The following ERBB4 variants were observed in gnomAD, a reference collection of about 807,000 sequenced individuals.
ERBB4 encodes the protein receptor tyrosine-protein kinase erbB-4.
In ERBB4, 42 loss-of-function variants were observed where a neutral mutation model predicts 158.0. The ratio of observed to expected loss-of-function variants is 0.27; its 90% CI spans 0.21 to 0.34. ERBB4 has a LOEUF of 0.34. Ranked by LOEUF, ERBB4 falls within the 10% of genes least tolerant of loss-of-function variation. The probability of loss-of-function intolerance (pLI) is 1.00; values close to 1 mark genes in which losing one functional copy is unlikely to be tolerated. For synonymous variants in ERBB4, 583 were observed against 558.7 expected (o/e 1.04, Z -0.61); for missense variants, 1,333 against 1,624.1 (o/e 0.82, Z 3.08).
intron 12 of ERBB4, among the ~76,000 whole-genome samples, chr2:211,680,311 T>C (rs1200940698): frequency 1.3e-5 from 2 of 152,134 alleles, no homozygotes; most frequent in Non-Finnish European, 2.9e-5. Flanking sequence ...TGACGGGAGA[T>C]TTGATATTGA....
intron 1 of ERBB4, among the ~76,000 whole-genome samples, chr2:212,312,009 C>A (rs559330271): frequency 1.3e-5 from 2 of 151,156 alleles, no homozygotes; most frequent in South Asian, 4.1e-4. Flanking sequence ...AACAGTTCAA[C>A]TCTTCAACCC....
intron 3 of ERBB4, among the ~76,000 whole-genome samples, chr2:211,906,957 G>T (rs907690756): frequency 6.6e-6 from 1 of 151,580 alleles, no homozygotes; most frequent in African/African-American, 2.4e-5. Flanking sequence ...GGTATAAAGA[G>T]GCAGTGGTGT....
At chr2:212,531,022 C>T (rs16848787) in intron 1 of ERBB4, among the ~76,000 whole-genome samples, 20,506 of 152,014 alleles carry the variant, frequency 0.13, 1,468 homozygotes, top group Non-Finnish European at 0.15. Flanking sequence ...GTGTTTAGTA[C>T]GCTTCAGTAA....
intron 2 of ERBB4, among the ~76,000 whole-genome samples, chr2:212,041,631 C>A (rs1310489061): frequency 6.7e-6 from 1 of 150,064 alleles, no homozygotes; most frequent in Non-Finnish European, 1.5e-5. Flanking sequence ...CAAATTACCG[C>A]GTTCTTTCAA....
chr2:211,420,415 G>A, intron 25 of ERBB4, 26 bp downstream of exon 25: 1 of 1,464,954 alleles, frequency 6.8e-7, no homozygotes, highest in East Asian at 2.3e-5. Context: ...GAAAGAATAT[G>A]ATATGTGTAT....
intron 2 of ERBB4, among the ~76,000 whole-genome samples, chr2:211,982,139 T>TTA (rs2081817153): frequency 6.6e-6 from 1 of 152,026 alleles, no homozygotes; most frequent in East Asian, 1.9e-4. Context: ...AATAAATTTA[T>TTA]AAATATATAT....
At chr2:211,550,856 G>T (rs2067074766) in intron 20 of ERBB4, among the ~76,000 whole-genome samples, 1 of 149,712 alleles carries the variant, frequency 6.7e-6, no homozygotes, top group Non-Finnish European at 1.5e-5. Context: ...TTTTCCTTTG[G>T]GATTCAATTC....
At chr2:212,185,379 A>G (rs2125698200) in intron 1 of ERBB4, among the ~76,000 whole-genome samples, 1 of 152,118 alleles carries the variant, frequency 6.6e-6, no homozygotes, top group East Asian at 1.9e-4. Flanking sequence ...AAGAAAAAAA[A>G]AAGGCTCATC....
chr2:212,226,122 T>C (rs1423646033), intron 1 of ERBB4, among the ~76,000 whole-genome samples: 1 of 152,152 alleles, frequency 6.6e-6, no homozygotes, highest in African/African-American at 2.4e-5. Flanking sequence ...AGTCATGTTG[T>C]CAACTGTCTA....
chr2:211,771,709 A>AGT lies in ERBB4; in HGVS notation c.556+16314_556+16315dup, dbSNP rs370361561. On this transcript the variant is annotated intron_variant, in intron 4 of 27. Transcript: ENST00000342788. Reference sequence around the variant, plus strand: ...CTAAAGTGATTGTTCTTTCTTGCGAAGTGTGTGTGTATGTGTGTGTGTGTT... The same window carrying AGT: ...CTAAAGTGATTGTTCTTTCTTGCGAAGTGTGTGTGTGTATGTGTGTGTGTGTT... Among the ~76,000 whole-genome samples the AGT allele has an allele frequency of 1.7e-3, 253 of 152,072 alleles. 1 individual carries two copies. Among genetic ancestry groups the AGT allele is most frequent in the African/African-American group, 5.8e-3 (240 of 41,498 alleles).
chr2:211,881,162 A>G (rs1458696862), intron 3 of ERBB4, among the ~76,000 whole-genome samples: 7 of 152,190 alleles, frequency 4.6e-5, no homozygotes, highest in African/African-American at 7.2e-5. Flanking sequence ...TACAATCCTA[A>G]AAACAAAGCA....
intron 1 of ERBB4, among the ~76,000 whole-genome samples, chr2:212,157,229 T>C (rs574515736): frequency 1.1e-4 from 16 of 152,096 alleles, no homozygotes; most frequent in Non-Finnish European, 1.9e-4. Context: ...GCTTTCCCTC[T>C]GACTAGAATG....
rs796877951 is a variant in ERBB4 at position 211,378,610 on chromosome 2, T to C, written c.*5005A>G. On this transcript the variant is annotated 3_prime_UTR_variant, in exon 28 of 28. Transcript: ENST00000342788. Reference sequence around the variant, plus strand: ...GATCTCTGGGATCAGAAAAATTTTATTAATTCTACCCAGAAGTATAAAAAC... The same window carrying C: ...GATCTCTGGGATCAGAAAAATTTTACTAATTCTACCCAGAAGTATAAAAAC... The C allele has an allele frequency of 1.5e-4, 35 of 232,634 alleles. No individual in the cohort carries two copies. The highest frequency in any genetic ancestry group is 7.7e-4 in the African/African-American group (35 of 45,412). The allele number at this position is 232,634 out of a possible 1,614,324, so 14.4% of individuals were successfully genotyped here.
intron 1 of ERBB4, among the ~76,000 whole-genome samples, chr2:212,405,728 T>C (rs991745591): frequency 1.3e-5 from 2 of 152,126 alleles, no homozygotes; most frequent in Non-Finnish European, 2.9e-5. Context: ...TATTTTTGTA[T>C]GCTGGCTCCT....
chr2:212,055,221 G>C (rs150790511), intron 2 of ERBB4, among the ~76,000 whole-genome samples: 1 of 152,150 alleles, frequency 6.6e-6, no homozygotes, highest in African/African-American at 2.4e-5. Context: ...GTCTGAGATC[G>C]ATCTGCAAGG....
Position 211,673,224 on chromosome 2 carries a change from A to G in ERBB4, c.1656T>C (p.Cys552=), listed in dbSNP as rs1281318495. ...TCTCACACTGGGGGTCACACTCCAC[A>G]CAGATGGAGCCATTCTCAAACTCCC... ...EFREFENGSI[C]VECDPQCEKM... Residue 552 remains cysteine (C), a synonymous_variant, in exon 14 of 28, where the codon TGT becomes TGC. Transcript: ENST00000342788. 6.2e-7 allele frequency: 1 copy of G among 1,613,720 alleles called. No homozygotes were observed. The highest frequency in any genetic ancestry group is 1.3e-5 in the African/African-American group (1 of 74,910).
chr2:211,564,343 A>G (rs144305459), intron 19 of ERBB4, among the ~76,000 whole-genome samples: 1 of 152,308 alleles, frequency 6.6e-6, no homozygotes, highest in African/African-American at 2.4e-5. Context: ...GGAAACACTT[A>G]GACTACACAT....
intron 1 of ERBB4, among the ~76,000 whole-genome samples, chr2:212,502,444 T>C (rs892074835): frequency 8.5e-5 from 13 of 152,320 alleles, no homozygotes; most frequent in African/African-American, 3.1e-4. Flanking sequence ...CTTAGCATAC[T>C]ATGGCAAACA....
At chr2:211,557,618 C>T (rs1438815642) in intron 20 of ERBB4, among the ~76,000 whole-genome samples, 2 of 151,354 alleles carry the variant, frequency 1.3e-5, no homozygotes, top group Non-Finnish European at 2.9e-5. Flanking sequence ...AAAAGGAACA[C>T]TTATACATTG....
Sources: allele counts gnomAD v4.1 joint callset (sites outside exome capture counted in the v4.1 genomes callset), GRCh38; gene constraint gnomAD v4.1.1; transcripts MANE v1.5; gene names NCBI Gene and HGNC (gene_info 2026-07-23, HGNC 2026-07-21).